ALPK3: variants seen among roughly 807,000 people sequenced by gnomAD.
ALPK3 encodes alpha kinase 3.
A neutral mutation model predicts 140.0 loss-of-function variants in ALPK3; 102 were observed. That is an observed-to-expected ratio of 0.73 (90% CI 0.62 to 0.86). ALPK3 has a LOEUF of 0.86. ALPK3 is among the 40% of genes least tolerant of loss of function. The pLI, the probability that ALPK3 is intolerant of heterozygous loss-of-function variation, is 0.00. For synonymous variants in ALPK3, 938 were observed against 898.5 expected, an observed-to-expected ratio of 1.04 and a Z score of -0.79; for missense variants, 2,254 against 2,208.2, an observed-to-expected ratio of 1.02 and a Z score of -0.42.
At chr15:84,828,056 A>G (rs1963508597) in intron 3 of ALPK3, among the ~76,000 whole-genome samples, 1 of 152,188 alleles carries the variant, frequency 6.6e-6, no homozygotes, top group Admixed American at 6.5e-5. Context: ...CCTGGCTTGG[A>G]GTCCTGGCTC....
chr15:84,865,685 G>A (rs535060436), intron 12 of ALPK3, among the ~76,000 whole-genome samples: 6 of 152,340 alleles, frequency 3.9e-5, no homozygotes, highest in Admixed American at 1.3e-4. Flanking sequence ...TCGGCTGGGC[G>A]CGGAGGCTCA....
At chr15:84,861,709 C>T (rs1028047161) in intron 9 of ALPK3, among the ~76,000 whole-genome samples, 1 of 152,072 alleles carries the variant, frequency 6.6e-6, no homozygotes, top group Non-Finnish European at 1.5e-5. Context: ...TATCCCAATA[C>T]GTTAAGTTCC....
chr15:84,857,750 T>A lies in ALPK3; in HGVS notation c.3012T>A (p.Ala1004=). 1 of 1,613,336 alleles carries A rather than the reference T, an allele frequency of 6.2e-7. No individual in the cohort carries two copies. Among genetic ancestry groups the A allele is most frequent in the Non-Finnish European group, 8.5e-7 (1 of 1,179,520 alleles). ...SATLTPTVEV[A]GLSPRTSRRI... is the part of the protein sequence containing the mutation. ...CTCTGACACCCACTGTGGAAGTGGC[T>A]GGGCTTAGTCCCCGGACATCGAGGC... The change falls in exon 6 of 14, where the codon GCT becomes GCA. Residue 1004 remains alanine, a synonymous_variant. Transcript: ENST00000258888.
At chr15:84,845,952 C>G (rs973836011) in intron 5 of ALPK3, among the ~76,000 whole-genome samples, 1 of 152,098 alleles carries the variant, frequency 6.6e-6, no homozygotes, top group Non-Finnish European at 1.5e-5. Flanking sequence ...CCCACCTACT[C>G]GGGAGGCTGA....
At chr15:84,859,108 G>A in intron 6 of ALPK3, 135 bp from the exon 7 acceptor site, 1 of 1,210,586 alleles carries the variant, frequency 8.3e-7, no homozygotes, top group Non-Finnish European at 1.1e-6. Flanking sequence ...GGCACCGGGG[G>A]GCTGTGAGTG....
rs766499238 is a variant in ALPK3, at chr15:84,859,493, C to A, written c.3965+103C>A. On this transcript the variant is annotated intron_variant, in intron 7 of 13. Transcript: ENST00000258888. ...GAACCTATCGCCTCATTAATCCTCA[C>A]AATAACCAGGGGAGGTCCTTTTATT... 152 of 1,450,508 alleles carry A rather than the reference C, an allele frequency of 1.0e-4. 1 individual carries two copies. The highest frequency in any genetic ancestry group is 1.2e-4 in the Non-Finnish European group (135 of 1,084,328). The allele number at this position is 1,450,508 out of a possible 1,614,324, so 89.9% of individuals were successfully genotyped here. A position where few individuals can be genotyped will look rare whatever the true frequency, so the allele number is the denominator to read the frequency against.
At chr15:84,824,564 AT>A (rs1221232668) in intron 2 of ALPK3, among the ~76,000 whole-genome samples, 1 of 152,220 alleles carries the variant, frequency 6.6e-6, no homozygotes, top group Non-Finnish European at 1.5e-5. Flanking sequence ...CTTGATGGGG[AT>A]GAACACTGAG....
chr15:84,856,464 G>T lies in ALPK3; in HGVS notation c.1726G>T (p.Val576Phe). Residue 576 changes from valine to phenylalanine, a missense_variant, in exon 6 of 14, where the codon GTT (valine) becomes TTT (phenylalanine). Val to Phe is a conservative substitution (Grantham distance 50, BLOSUM62 -1). Coordinates refer to ENST00000258888, the MANE Select transcript of ALPK3 (RefSeq NM_020778.5). Reference sequence around the variant, plus strand: ...CAGCTCTGATGTAGCCTCCATTGGGGTTAGCACTTCCGGAAGTCAAGGTAT... The same window carrying T: ...CAGCTCTGATGTAGCCTCCATTGGGTTTAGCACTTCCGGAAGTCAAGGTAT... Reference protein sequence around the residue: ...SSSSDVASIGVSTSGSQGIIE... With the variant: ...SSSSDVASIGFSTSGSQGIIE... 1 of 1,614,074 alleles carries T rather than the reference G, an allele frequency of 6.2e-7. No homozygotes were observed. The highest frequency in any genetic ancestry group is 8.5e-7 in the Non-Finnish European group (1 of 1,179,984).
chr15:84,839,502 C>T (rs1473506683), intron 4 of ALPK3, among the ~76,000 whole-genome samples, 200 bp from the exon 5 acceptor site: 2 of 152,198 alleles, frequency 1.3e-5, no homozygotes, highest in South Asian at 2.1e-4. Flanking sequence ...GGTCAGCCGC[C>T]ACCTTTTTGC....
Position 84,857,143 on chromosome 15 carries a change from C to T in ALPK3, c.2405C>T (p.Ala802Val). 1 of 1,614,066 alleles carries T rather than the reference C, an allele frequency of 6.2e-7. No individual in the cohort carries two copies. Residue 802 changes from alanine (A) to valine (V), a missense_variant, in exon 6 of 14, where the codon GCA (alanine) becomes GTA (valine). Ala to Val is a moderately conservative substitution (Grantham distance 64). Around this residue, in one of 3 missense-constraint regions of ALPK3, gnomAD observed 2,088 missense variants for 2,022.9 expected, o/e 1.03. Transcript: ENST00000258888. ...GPLSGNLMLP[A>V]QPPHEGSVEQ... ...CTGTCAGGGAACCTCATGCTCCCAG[C>T]ACAGCCGCCCCATGAGGGGAGTGTG...
In ALPK3 at chr15:84,870,604, G is replaced by A. The variant is rs534108258; in HGVS notation, c.*2148G>A. ...TAGCTGAACAATTAATTGGCCCTGG[G>A]AAGGGTGGGAGCTGGGGCAACTACG... On this transcript the variant is annotated 3_prime_UTR_variant, in exon 14 of 14. Coordinates refer to ENST00000258888, the MANE Select transcript of ALPK3 (RefSeq NM_020778.5). The A allele has an allele frequency of 6.6e-6, 1 of 152,382 alleles. No homozygotes were observed. Among genetic ancestry groups the A allele is most frequent in the Admixed American group, 6.5e-5 (1 of 15,312 alleles). 9.4% of individuals were successfully genotyped at this position (152,382 alleles called of 1,614,324 possible).
intron 5 of ALPK3, among the ~76,000 whole-genome samples, chr15:84,846,102 C>T (rs1296779812): frequency 6.6e-6 from 1 of 152,094 alleles, no homozygotes; most frequent in Non-Finnish European, 1.5e-5. Flanking sequence ...AAACCCCAAA[C>T]AGCATTGGAA....
In ALPK3 at chr15:84,870,769, G is replaced by C. The variant is rs983451280; in HGVS notation, c.*2313G>C. The stretch of plus-strand genomic sequence containing the variant: ...AGCTCAGGGCTTCATAGAGTGGGAG[G>C]GGGGCAGTCTTCCAAAAGATGCGGA... On this transcript the variant is annotated 3_prime_UTR_variant, in exon 14 of 14. Coordinates refer to ENST00000258888, the MANE Select transcript of ALPK3 (RefSeq NM_020778.5). The C allele has an allele frequency of 1.3e-5, 2 of 152,190 alleles. No homozygotes were observed. The highest frequency in any genetic ancestry group is 2.9e-5 in the Non-Finnish European group (2 of 68,050). 9.4% of individuals were successfully genotyped at this position (152,190 alleles called of 1,614,324 possible).
At position 84,822,477 on chromosome 15, in the gene ALPK3, C is replaced by T. The variant is rs559022528; in HGVS notation, c.144-853C>T. 2.6e-5 allele frequency among the ~76,000 whole-genome samples: 4 copies of T among 152,262 alleles called. No individual in the cohort carries two copies. In the South Asian group the frequency reaches 8.3e-4, roughly 32 times the overall value. On this transcript the variant is annotated intron_variant, in intron 1 of 13. Coordinates refer to ENST00000258888, the MANE Select transcript of ALPK3 (RefSeq NM_020778.5). ...TGGGCTGCTGGGAAGGAAGGGAGAGCTCTTCTCATGATAGGGACAGCCGAA... is the reference window on the plus strand; with the variant it reads ...TGGGCTGCTGGGAAGGAAGGGAGAGTTCTTCTCATGATAGGGACAGCCGAA...
intron 10 of ALPK3, among the ~76,000 whole-genome samples, chr15:84,863,218 T>TA (rs2141573053): frequency 6.6e-6 from 1 of 152,126 alleles, no homozygotes; most frequent in South Asian, 2.1e-4. Flanking sequence ...ATATGTGAGA[T>TA]AAAAGGGGGG....
chr15:84,827,503 A>T lies in ALPK3; in HGVS notation c.202A>T (p.Ile68Phe). 1 of 1,614,162 alleles carries T rather than the reference A, an allele frequency of 6.2e-7. No individual in the cohort carries two copies. Among genetic ancestry groups the T allele is most frequent in the South Asian group, 1.1e-5 (1 of 91,080 alleles). The change falls in exon 3 of 14, where the codon ATT becomes TTT. Residue 68 changes from isoleucine to phenylalanine, a missense_variant. Physicochemically the swap from Ile to Phe is conservative, Grantham distance 21 (BLOSUM62 0). Transcript: ENST00000258888. ...TCTTAGGAGCACCTTCTGCTCCATC[A>T]TTGCTCAGCTCACAGAGGAGACCCA... ...SSGRSTFCSI[I>F]AQLTEETQPL...
rs759626376 is a variant in ALPK3, at chr15:84,840,497, C to A, written c.1218C>A (p.Gly406=). ...AGGCCCAGAAGGCCCCTGGCCCAGG[C>A]CCAGGCCAGGAAGTGTATTTCTCCT... is the stretch of plus-strand genomic sequence containing the variant. ...PDKAQKAPGP[G]PGQEVYFSLK... is the part of the protein sequence containing the mutation. Residue 406 remains glycine, a synonymous_variant, in exon 5 of 14, where the codon GGC becomes GGA. Coordinates refer to ENST00000258888, the MANE Select transcript of ALPK3 (RefSeq NM_020778.5). The A allele has an allele frequency of 6.2e-7, 1 of 1,613,084 alleles. No homozygotes were observed. Among genetic ancestry groups the A allele is most frequent in the South Asian group, 1.1e-5 (1 of 90,978 alleles).
chr15:84,825,172 TTTTTA>T (rs774813222), intron 2 of ALPK3, among the ~76,000 whole-genome samples: 1 of 152,062 alleles, frequency 6.6e-6, no homozygotes, highest in Non-Finnish European at 1.5e-5. Flanking sequence ...TAACTACTTG[TTTTTA>T]TTTTATTATT....
At chr15:84,819,039 A>G (rs563751127) in intron 1 of ALPK3, among the ~76,000 whole-genome samples, 151 of 152,332 alleles carry the variant, frequency 9.9e-4, no homozygotes, top group Non-Finnish European at 2.0e-3. Flanking sequence ...GACAGCAGCA[A>G]TGAAGGAAGG....
Sources: gnomAD v4.1 joint callset for allele counts (sites outside exome capture counted in the v4.1 genomes callset) on GRCh38, gnomAD v4.1.1 for gene constraint, gnomAD v4.1.1 regional missense constraint, MANE v1.5 for transcripts, NCBI Gene and HGNC (gene_info 2026-07-23, HGNC 2026-07-21) for gene names.